Variants in HTRA3 observed in about 807,000 individuals in gnomAD.
The protein encoded by HTRA3 is serine protease HTRA3.
Under a neutral mutation model 43.2 loss-of-function variants are expected in HTRA3, and 41 were observed. The ratio of observed to expected loss-of-function variants is 0.95; its 90% CI spans 0.74 to 1.23. The LOEUF (loss-of-function observed/expected upper bound fraction) is 1.23, where lower values mean the gene tolerates loss of function less well. HTRA3 is among the 50% of genes most tolerant of loss of function. The pLI, the probability that HTRA3 is intolerant of heterozygous loss-of-function variation, is 0.00. For missense variants in HTRA3, 628 were observed against 647.1 expected (o/e 0.97, Z 0.32); for synonymous variants, 295 against 287.9 (o/e 1.02, Z -0.25).
At chr4:8,292,409 G>C in intron 5 of HTRA3, 56 bp downstream of exon 5, 2 of 1,472,518 alleles carry the variant, frequency 1.4e-6, no homozygotes, top group Non-Finnish European at 9.5e-7. Flanking sequence ...TCTCACATGG[G>C]GGTGCTCAGC....
chr4:8,291,098 G>A (rs1713217961), intron 3 of HTRA3, among the ~76,000 whole-genome samples: 1 of 152,218 alleles, frequency 6.6e-6, no homozygotes, highest in Non-Finnish European at 1.5e-5. Context: ...GTGCTCAGCT[G>A]CACATGATGA....
At chr4:8,298,301 G>A (rs140759264) in intron 6 of HTRA3, among the ~76,000 whole-genome samples, 232 of 152,330 alleles carry the variant, frequency 1.5e-3, no homozygotes, top group African/African-American at 5.3e-3. Flanking sequence ...TTCATCAGCT[G>A]TTCATCTTTG....
chr4:8,302,644 G>A, intron 7 of HTRA3, 133 bp downstream of exon 7: 1 of 800,562 alleles, frequency 1.2e-6, no homozygotes, highest in South Asian at 1.4e-5. Context: ...TCAGGCCTCT[G>A]ACCGTTGCTC....
Position 8,307,008 on chromosome 4 carries a change from G to A in HTRA3, c.*872G>A, listed in dbSNP as rs1713881013. 1 of 152,726 alleles carries A rather than the reference G, an allele frequency of 6.5e-6. No homozygotes were observed. The highest frequency in any genetic ancestry group is 6.5e-5 in the Admixed American group (1 of 15,288). The allele number at this position is 152,726 out of a possible 1,614,324, so 9.5% of individuals were successfully genotyped here. ...ATCCAGGGAACGAGTGTGTCTCAAG[G>A]GGCATTTGTGAGCTTTGCTGTAAAT... On this transcript the variant is annotated 3_prime_UTR_variant, in exon 9 of 9. Coordinates refer to ENST00000307358, the MANE Select transcript of HTRA3 (RefSeq NM_053044.5). The surrounding 1 kb of genome is among the most constrained non-coding windows in gnomAD (Gnocchi z 6.1).
At chr4:8,287,105 G>T (rs1713020249) in intron 3 of HTRA3, among the ~76,000 whole-genome samples, 1 of 152,208 alleles carries the variant, frequency 6.6e-6, no homozygotes. Context: ...GCCCACTACT[G>T]GGGATGCACC....
intron 2 of HTRA3, among the ~76,000 whole-genome samples, chr4:8,285,804 C>T (rs1193575398): frequency 1.3e-5 from 2 of 152,260 alleles, no homozygotes; most frequent in African/African-American, 2.4e-5. Context: ...ATCTGTGCCT[C>T]TGCACCCCTG....
At position 8,296,594 on chromosome 4, in the gene HTRA3, G is replaced by C. The variant is rs1448912247; in HGVS notation, c.1051+2393G>C. 22 of 913,470 alleles carry C rather than the reference G, an allele frequency of 2.4e-5. No individual in the cohort carries two copies. Among genetic ancestry groups the C allele is most frequent in the Non-Finnish European group, 2.9e-5 (22 of 764,644 alleles). 56.6% of individuals were successfully genotyped at this position (913,470 alleles called of 1,614,324 possible). A position where few individuals can be genotyped will look rare whatever the true frequency, so the allele number is the denominator to read the frequency against. ...CAGAGGCCTCTGAGGGGCTTTCAGG[G>C]TAAAGAGTGGCCACCATGCATGTTG... On this transcript the variant is annotated intron_variant, in intron 6 of 8. Coordinates refer to ENST00000307358, the MANE Select transcript of HTRA3 (RefSeq NM_053044.5). This position sits in a 1 kb window ranked among gnomAD's most constrained non-coding sequence, Gnocchi z 5.3.
At chr4:8,283,468 C>T (rs1026402983) in intron 2 of HTRA3, among the ~76,000 whole-genome samples, 2 of 152,224 alleles carry the variant, frequency 1.3e-5, no homozygotes, top group Non-Finnish European at 2.9e-5. Context: ...TCCCGCTGTG[C>T]AAGCTGCCCA....
chr4:8,280,835 C>T (rs879420087), intron 1 of HTRA3, among the ~76,000 whole-genome samples: 30 of 152,294 alleles, frequency 2.0e-4, no homozygotes, highest in African/African-American at 6.5e-4. Context: ...GCCTGCGGGC[C>T]GGTTGAGAGG....
chr4:8,269,957 G>C lies in HTRA3; in HGVS notation c.-12G>C, dbSNP rs1712176985. Reference sequence around the variant, plus strand: ...GTCTCCCGCGCTGCCACCCGCCGCCGGCCCTGCCGCCATGCAGGCGCGAGC... The same window carrying C: ...GTCTCCCGCGCTGCCACCCGCCGCCCGCCCTGCCGCCATGCAGGCGCGAGC... On this transcript the variant is annotated 5_prime_UTR_variant, in exon 1 of 9. Coordinates refer to ENST00000307358, the MANE Select transcript of HTRA3 (RefSeq NM_053044.5). 3 of 1,125,378 alleles carry C rather than the reference G, an allele frequency of 2.7e-6. No homozygotes were observed. The highest frequency in any genetic ancestry group is 3.3e-6 in the Non-Finnish European group (3 of 920,644). The allele number at this position is 1,125,378 out of a possible 1,614,324, so 69.7% of individuals were successfully genotyped here. A position where few individuals can be genotyped will look rare whatever the true frequency, so the allele number is the denominator to read the frequency against.
chr4:8,306,938 G>A lies in HTRA3; in HGVS notation c.*802G>A, dbSNP rs1365983508. 1 of 152,714 alleles carries A rather than the reference G, an allele frequency of 6.5e-6. No homozygotes were observed. Among genetic ancestry groups the A allele is most frequent in the East Asian group, 1.9e-4 (1 of 5,208 alleles). 9.5% of individuals were successfully genotyped at this position (152,714 alleles called of 1,614,324 possible). On this transcript the variant is annotated 3_prime_UTR_variant, in exon 9 of 9. Coordinates refer to ENST00000307358, the MANE Select transcript of HTRA3 (RefSeq NM_053044.5). This position sits in a 1 kb window ranked among gnomAD's most constrained non-coding sequence, Gnocchi z 8.9. ...CTGGGATGCAGCAGCCGCTCGCATG[G>A]AAGTGCCGCCCAGAGGCATGCAGGC... is the stretch of plus-strand genomic sequence containing the variant.
intron 7 of HTRA3, among the ~76,000 whole-genome samples, chr4:8,303,903 T>A (rs1436073414): frequency 6.6e-6 from 1 of 151,698 alleles, no homozygotes; most frequent in Non-Finnish European, 1.5e-5. Context: ...CCTTCATTCA[T>A]CCATCCATCC....
At position 8,295,195 on chromosome 4, in the gene HTRA3, G is replaced by A. The variant is rs930496639; in HGVS notation, c.1051+994G>A. On this transcript the variant is annotated intron_variant, in intron 6 of 8. Transcript: ENST00000307358. The surrounding 1 kb of genome is among the most constrained non-coding windows in gnomAD (Gnocchi z 6.9). Reference sequence around the variant, plus strand: ...CCCACCTGTCCCTCTATCCCTGTCCGTCTATTCTTCCATCCATCTACCCAC... The same window carrying A: ...CCCACCTGTCCCTCTATCCCTGTCCATCTATTCTTCCATCCATCTACCCAC... Among the ~76,000 whole-genome samples the A allele has an allele frequency of 5.3e-5, 8 of 151,540 alleles. No individual in the cohort carries two copies. The highest frequency in any genetic ancestry group is 3.4e-3 in the Middle Eastern group (1 of 294).
At chr4:8,284,538 T>C (rs1356166594) in intron 2 of HTRA3, among the ~76,000 whole-genome samples, 3 of 152,202 alleles carry the variant, frequency 2.0e-5, no homozygotes, top group South Asian at 2.1e-4. Flanking sequence ...AGTGTGGGCA[T>C]GGAGGCCAGT....
chr4:8,303,223 C>T (rs1309653971), intron 7 of HTRA3, among the ~76,000 whole-genome samples: 1 of 152,174 alleles, frequency 6.6e-6, no homozygotes, highest in Admixed American at 6.5e-5. Context: ...AGAGCCCTGG[C>T]CTCCCTCTCC....
chr4:8,286,784 G>A lies in HTRA3; in HGVS notation c.708+1G>A. 1 of 1,605,638 alleles carries A rather than the reference G, an allele frequency of 6.2e-7. No homozygotes were observed. The highest frequency in any genetic ancestry group is 8.5e-7 in the Non-Finnish European group (1 of 1,172,926). On this transcript the variant is annotated splice_donor_variant, in intron 3 of 8. Coordinates refer to ENST00000307358, the MANE Select transcript of HTRA3 (RefSeq NM_053044.5). LOFTEE classifies it high-confidence loss of function. The surrounding 1 kb of genome is among the most constrained non-coding windows in gnomAD (Gnocchi z 4.9). Reference sequence around the variant, plus strand: ...TGCCACCATCAAGATCCATCCCAAGGTGGGTGGGCGTGGGTGGAGGGGCGG... The same window carrying A: ...TGCCACCATCAAGATCCATCCCAAGATGGGTGGGCGTGGGTGGAGGGGCGG...
At chr4:8,304,325 A>G in intron 8 of HTRA3, 46 bp downstream of exon 8, 1 of 1,511,378 alleles carries the variant, frequency 6.6e-7, no homozygotes, top group Non-Finnish European at 9.2e-7. Context: ...GGCAGGCGTG[A>G]GGTCTGGGCT....
At chr4:8,290,563 C>T (rs539240151) in intron 3 of HTRA3, among the ~76,000 whole-genome samples, 1 of 152,216 alleles carries the variant, frequency 6.6e-6, no homozygotes, top group Non-Finnish European at 1.5e-5. Flanking sequence ...GGGTGCAAAA[C>T]CAGAACCAGG....
At chr4:8,272,834 G>A (rs1712346874) in intron 1 of HTRA3, among the ~76,000 whole-genome samples, 1 of 152,236 alleles carries the variant, frequency 6.6e-6, no homozygotes, top group African/African-American at 2.4e-5. Flanking sequence ...CTGGTGGGGA[G>A]GGGAGGCAGA....
Sources: allele counts gnomAD v4.1 joint callset (sites outside exome capture counted in the v4.1 genomes callset), GRCh38; gene constraint gnomAD v4.1.1; non-coding constraint Gnocchi (gnomAD v3.1); transcripts MANE v1.5; gene names NCBI Gene and HGNC (gene_info 2026-07-23, HGNC 2026-07-21).